The following CDC73 variants were observed in gnomAD, a reference collection of about 807,000 sequenced individuals.
CDC73 encodes parafibromin.
Under a neutral mutation model 83.7 loss-of-function variants are expected in CDC73, and 21 were observed. The ratio of observed to expected loss-of-function variants is 0.25; its 90% confidence interval spans 0.18 to 0.36. The LOEUF is 0.36. Among genes scored for constraint, CDC73 ranks in the 10% least tolerant of loss-of-function variants. The pLI is 1.00. For missense variants in CDC73, 342 were observed against 653.3 expected, an observed-to-expected ratio of 0.52 and a Z score of 5.19; for synonymous variants, 224 against 212.9, an observed-to-expected ratio of 1.05 and a Z score of -0.45.
chr1:193,181,710 A>C (rs1676720488), intron 10 of CDC73: 2 of 740,252 alleles, frequency 2.7e-6, no homozygotes, highest in South Asian at 4.6e-5. Context: ...AAAAGTTTAC[A>C]GAACTGCCTG....
chr1:193,131,341 C>T (rs960196154), intron 3 of CDC73, among the ~76,000 whole-genome samples: 1 of 152,214 alleles, frequency 6.6e-6, no homozygotes, highest in Non-Finnish European at 1.5e-5. Flanking sequence ...CACATCCATT[C>T]TATCAACAAG....
intron 3 of CDC73, 142 bp from the exon 4 acceptor site, chr1:193,135,249 G>A: frequency 1.5e-6 from 1 of 685,472 alleles, no homozygotes; most frequent in South Asian, 1.7e-5. Flanking sequence ...TGTTTTTGCA[G>A]AGCTGCTTTA....
At chr1:193,131,044 G>A (rs1292555336) in intron 3 of CDC73, among the ~76,000 whole-genome samples, 1 of 151,844 alleles carries the variant, frequency 6.6e-6, no homozygotes, top group African/African-American at 2.4e-5. Flanking sequence ...TTATGGCTCA[G>A]ATATCATATA....
intron 7 of CDC73, among the ~76,000 whole-genome samples, chr1:193,146,991 TTTA>T (rs1446959843): frequency 1.3e-5 from 2 of 151,980 alleles, no homozygotes; most frequent in Admixed American, 6.5e-5. Flanking sequence ...GTATTTATAT[TTTA>T]TTTAGATTTT....
At chr1:193,219,280 T>C (rs1677423903) in intron 13 of CDC73, among the ~76,000 whole-genome samples, 1 of 152,218 alleles carries the variant, frequency 6.6e-6, no homozygotes, top group African/African-American at 2.4e-5. Flanking sequence ...GGAATGCTTA[T>C]GTGCTCCTGG....
At chr1:193,165,459 T>C (rs1346201308) in intron 10 of CDC73, among the ~76,000 whole-genome samples, 1 of 152,220 alleles carries the variant, frequency 6.6e-6, no homozygotes, top group African/African-American at 2.4e-5. Flanking sequence ...GTAATAATTA[T>C]ATGTTGGGAT....
chr1:193,156,362 G>A (rs1475040209), intron 10 of CDC73, among the ~76,000 whole-genome samples: 1 of 152,128 alleles, frequency 6.6e-6, no homozygotes, highest in Non-Finnish European at 1.5e-5. Context: ...CATTTTTGCG[G>A]AAGCATCTCA....
intron 1 of CDC73, among the ~76,000 whole-genome samples, chr1:193,123,657 G>A (rs1023053431): frequency 6.6e-6 from 1 of 150,672 alleles, no homozygotes; most frequent in Non-Finnish European, 1.5e-5. Flanking sequence ...ACATGTGGTT[G>A]GATTTTTAGT....
intron 13 of CDC73, among the ~76,000 whole-genome samples, chr1:193,219,665 G>A (rs148371038): frequency 3.3e-5 from 5 of 152,232 alleles, no homozygotes; most frequent in Non-Finnish European, 4.4e-5. Context: ...CATGTTCTAC[G>A]TGGGAGCTAG....
intron 10 of CDC73, among the ~76,000 whole-genome samples, chr1:193,177,332 G>A (rs1312965883): frequency 4.4e-5 from 5 of 114,114 alleles, no homozygotes; most frequent in Non-Finnish European, 8.4e-5. Context: ...GGCTAACACG[G>A]TGAAACCCCA....
At chr1:193,250,525 C>G in intron 16 of CDC73, 151 bp from the exon 17 acceptor site, 1 of 615,446 alleles carries the variant, frequency 1.6e-6, no homozygotes, top group Non-Finnish European at 2.9e-6. Flanking sequence ...CTAGCTTATT[C>G]CAGAGTCTTT....
Position 193,199,938 on chromosome 1 carries a change from A to G in CDC73, c.973-3857A>G, listed in dbSNP as rs184646171. Among the ~76,000 whole-genome samples, 200 of 152,008 alleles carry G rather than the reference A, an allele frequency of 1.3e-3. 1 individual carries two copies. Among genetic ancestry groups the G allele is most frequent in the African/African-American group, 4.6e-3 (193 of 41,522 alleles). ...TGGAGTCTGCATATATGTTCTATAT[A>G]TGTTTTCTTCATAAAAACTTTCAGG... On this transcript the variant is annotated intron_variant, in intron 10 of 16. Transcript: ENST00000367435.
intron 3 of CDC73, 95 bp from the exon 4 acceptor site, chr1:193,135,296 G>A (rs1476993382): frequency 1.0e-6 from 1 of 983,760 alleles, no homozygotes; most frequent in Non-Finnish European, 1.6e-6. Flanking sequence ...TCACCATATA[G>A]AAGTATATAA....
chr1:193,214,633 G>T (rs1334811200), intron 13 of CDC73, among the ~76,000 whole-genome samples: 1 of 152,168 alleles, frequency 6.6e-6, no homozygotes, highest in Non-Finnish European at 1.5e-5. Flanking sequence ...GCAGGAGAAT[G>T]GCGTGAACCT....
At chr1:193,188,072 A>T (rs1203848615) in intron 10 of CDC73, among the ~76,000 whole-genome samples, 1 of 152,222 alleles carries the variant, frequency 6.6e-6, no homozygotes, top group Non-Finnish European at 1.5e-5. Flanking sequence ...TTTGTAGATC[A>T]GTATTTATTT....
intron 10 of CDC73, among the ~76,000 whole-genome samples, chr1:193,158,425 G>C (rs1238845574): frequency 6.6e-6 from 1 of 151,958 alleles, no homozygotes; most frequent in African/African-American, 2.4e-5. Flanking sequence ...ACTTTGGGAG[G>C]CTGAGGCAGG....
intron 10 of CDC73, among the ~76,000 whole-genome samples, chr1:193,196,370 T>G (rs923911555): frequency 9.2e-5 from 14 of 152,212 alleles, no homozygotes; most frequent in African/African-American, 3.1e-4. Flanking sequence ...CTCTTCTGTT[T>G]ACTGTTGCTT....
intron 13 of CDC73, among the ~76,000 whole-genome samples, chr1:193,232,019 A>T (rs929884331): frequency 6.6e-6 from 1 of 152,180 alleles, no homozygotes; most frequent in African/African-American, 2.4e-5. Context: ...TGTGAACACT[A>T]GCAAATTTTA....
intron 10 of CDC73, among the ~76,000 whole-genome samples, chr1:193,198,819 A>T (rs992985538): frequency 2.0e-5 from 3 of 152,220 alleles, no homozygotes; most frequent in African/African-American, 7.2e-5. Context: ...CTTACTAGGC[A>T]TGTGACCTGG....
Sources: gnomAD v4.1 joint callset for allele counts (sites outside exome capture counted in the v4.1 genomes callset) on GRCh38, gnomAD v4.1.1 for gene constraint, MANE v1.5 for transcripts, NCBI Gene and HGNC (gene_info 2026-07-23, HGNC 2026-07-21) for gene names.